Variants in PTPRT observed in about 807,000 individuals in gnomAD.
The protein encoded by PTPRT is receptor-type tyrosine-protein phosphatase T.
A neutral mutation model predicts 176.8 loss-of-function variants in PTPRT; 56 were observed. That is an observed-to-expected ratio of 0.32 (90% CI 0.26 to 0.40). The LOEUF is 0.40. PTPRT is among the 10% of genes least tolerant of loss of function. PTPRT has a pLI of 1.00. For missense variants in PTPRT, 1,540 were observed against 1,908.2 expected, an observed-to-expected ratio of 0.81 and a Z score of 3.60; for synonymous variants, 783 against 739.0, an observed-to-expected ratio of 1.06 and a Z score of -0.96.
At chr20:42,415,446 A>C (rs1273241124) in intron 9 of PTPRT, among the ~76,000 whole-genome samples, 1 of 152,088 alleles carries the variant, frequency 6.6e-6, no homozygotes, top group East Asian at 1.9e-4. Flanking sequence ...TTCCAGCCTC[A>C]AGCGACAGTC....
chr20:42,545,323 T>A (rs958642687), intron 7 of PTPRT, among the ~76,000 whole-genome samples: 33 of 152,068 alleles, frequency 2.2e-4, no homozygotes, highest in Admixed American at 2.2e-3. Context: ...AATCCAGGGG[T>A]TCATCAAACC....
rs554763182 is a variant in PTPRT at position 42,075,092 on chromosome 20, A to G, written c.*5787T>C. 6.2e-5 allele frequency: 23 copies of G among 370,696 alleles called. No homozygotes were observed. The Admixed American group carries it at 8.7e-4, about 14-fold the overall frequency. The allele number at this position is 370,696 out of a possible 1,614,324, so 23.0% of individuals were successfully genotyped here. A position where few individuals can be genotyped will look rare whatever the true frequency, so the allele number is the denominator to read the frequency against. On this transcript the variant is annotated 3_prime_UTR_variant, in exon 31 of 31. Coordinates refer to ENST00000373187, the MANE Select transcript of PTPRT (RefSeq NM_007050.6). ...AGACAAAGCCAAGGCCTTGCATTCT[A>G]TCACTTCTAGACATGTATACATGGA...
At position 42,934,148 on chromosome 20, in the gene PTPRT, A is replaced by G. The variant is rs141070345; in HGVS notation, c.89-48216T>C. On this transcript the variant is annotated intron_variant, in intron 1 of 30. Coordinates refer to ENST00000373187, the MANE Select transcript of PTPRT (RefSeq NM_007050.6). ...AAGGTACTGAGAATTTACCCATCTCATTACGGCGTTGCTAACAGGGTCTCA... is the reference window on the plus strand; with the variant it reads ...AAGGTACTGAGAATTTACCCATCTCGTTACGGCGTTGCTAACAGGGTCTCA... 1.1e-4 allele frequency among the ~76,000 whole-genome samples: 17 copies of G among 152,264 alleles called. No individual in the cohort carries two copies. In the East Asian group the frequency reaches 3.3e-3, roughly 29 times the overall value.
chr20:42,484,304 TAAG>T (rs1285531628), intron 7 of PTPRT, among the ~76,000 whole-genome samples: 1 of 152,148 alleles, frequency 6.6e-6, no homozygotes, highest in Non-Finnish European at 1.5e-5. Flanking sequence ...TCCTAACAAA[TAAG>T]AAGTGGTTTG....
intron 1 of PTPRT, among the ~76,000 whole-genome samples, chr20:43,010,288 G>A (rs985812585): frequency 5.9e-5 from 9 of 151,824 alleles, no homozygotes; most frequent in African/African-American, 9.7e-5. Context: ...GTGTAGAACC[G>A]ATGATCATTG....
chr20:42,394,499 C>A (rs2058830195), intron 9 of PTPRT, among the ~76,000 whole-genome samples: 2 of 152,142 alleles, frequency 1.3e-5, no homozygotes, highest in South Asian at 4.1e-4. Context: ...AGAGGACGGC[C>A]AGCCTAAAGA....
rs2074350483 is a variant in PTPRT at position 42,628,959 on chromosome 20, A to G, written c.1153+48907T>C. 2.0e-5 allele frequency among the ~76,000 whole-genome samples: 3 copies of G among 152,294 alleles called. No individual in the cohort carries two copies. In the South Asian group the frequency reaches 6.2e-4, roughly 32 times the overall value. ...CAGTAATACTTAGCAAGAAAGTAGC[A>G]GAGTCAAAGATTCAAACCCAGATCT... On this transcript the variant is annotated intron_variant, in intron 7 of 30. Transcript: ENST00000373187.
intron 28 of PTPRT, among the ~76,000 whole-genome samples, 180 bp from the exon 29 acceptor site, chr20:42,085,025 GC>G (rs948946408): frequency 1.3e-5 from 2 of 152,116 alleles, no homozygotes; most frequent in African/African-American, 4.8e-5. Context: ...AGATTCTCTT[GC>G]CGTGACTGCC....
At chr20:42,300,574 T>C (rs570445857) in intron 12 of PTPRT, among the ~76,000 whole-genome samples, 45 of 151,996 alleles carry the variant, frequency 3.0e-4, no homozygotes, top group African/African-American at 8.4e-4. Context: ...TAAATGATGA[T>C]AGTACTGAAG....
chr20:42,305,771 G>C (rs1184182067), intron 12 of PTPRT, among the ~76,000 whole-genome samples: 2 of 152,166 alleles, frequency 1.3e-5, no homozygotes, highest in Admixed American at 6.5e-5. Context: ...GGGAAACTGA[G>C]GTTTGGCAGG....
At chr20:42,659,764 T>C (rs1486239407) in intron 7 of PTPRT, among the ~76,000 whole-genome samples, 1 of 152,116 alleles carries the variant, frequency 6.6e-6, no homozygotes, top group Non-Finnish European at 1.5e-5. Context: ...TATAAAATAG[T>C]GTGGGTCAAG....
chr20:42,152,074 T>C (rs1040799958), intron 17 of PTPRT, among the ~76,000 whole-genome samples: 2 of 152,224 alleles, frequency 1.3e-5, no homozygotes, highest in African/African-American at 4.8e-5. Context: ...TCGAAGAGCA[T>C]TGCATCTATG....
At chr20:42,110,965 G>T (rs780070101) in intron 22 of PTPRT, among the ~76,000 whole-genome samples, 2 of 152,212 alleles carry the variant, frequency 1.3e-5, no homozygotes, top group Non-Finnish European at 2.9e-5. Flanking sequence ...AGTCTGTGTG[G>T]CTTTCAAAGT....
At position 42,282,470 on chromosome 20, in the gene PTPRT, C is replaced by G. The variant is rs116897470; in HGVS notation, c.2176+19G>C. ...TGGCTGAAGAACAGGTGAAGACAGA[C>G]AAGCAGATGCCAACATACCTTTTGT... is the stretch of plus-strand genomic sequence containing the variant. On this transcript the variant is annotated intron_variant, in intron 13 of 30. Coordinates refer to ENST00000373187, the MANE Select transcript of PTPRT (RefSeq NM_007050.6). The G allele has an allele frequency of 1.1e-5, 18 of 1,606,982 alleles. No individual in the cohort carries two copies. Among genetic ancestry groups the G allele is most frequent in the Non-Finnish European group, 1.5e-5 (18 of 1,175,264 alleles).
At chr20:42,308,800 C>A (rs1568760189) in intron 12 of PTPRT, among the ~76,000 whole-genome samples, 2 of 152,178 alleles carry the variant, frequency 1.3e-5, no homozygotes, top group African/African-American at 4.8e-5. Context: ...CATGTGCAAC[C>A]ATTTCTTTAA....
At chr20:42,715,937 G>A (rs1600653658) in intron 6 of PTPRT, among the ~76,000 whole-genome samples, 1 of 152,306 alleles carries the variant, frequency 6.6e-6, no homozygotes, top group East Asian at 1.9e-4. Context: ...TGCAAATCCA[G>A]AGATATATGG....
chr20:42,974,059 T>C (rs1982805368), intron 1 of PTPRT, among the ~76,000 whole-genome samples: 1 of 152,074 alleles, frequency 6.6e-6, no homozygotes. Flanking sequence ...AGAGTGTCCT[T>C]AAGAGCCACT....
intron 7 of PTPRT, among the ~76,000 whole-genome samples, chr20:42,589,321 AC>A (rs2073528222): frequency 6.6e-6 from 1 of 152,252 alleles, no homozygotes; most frequent in East Asian, 1.9e-4. Context: ...GCTCCTTCAA[AC>A]CTTTTTAGCT....
intron 2 of PTPRT, among the ~76,000 whole-genome samples, chr20:42,795,154 A>G (rs2077435700): frequency 6.7e-6 from 1 of 149,954 alleles, no homozygotes; most frequent in South Asian, 2.1e-4. Context: ...AAAGAGAAAG[A>G]CTGTAAATAC....
Sources: allele counts gnomAD v4.1 joint callset (sites outside exome capture counted in the v4.1 genomes callset), GRCh38; gene constraint gnomAD v4.1.1; transcripts MANE v1.5; gene names NCBI Gene and HGNC (gene_info 2026-07-23, HGNC 2026-07-21).